CATSPERT: variants seen among roughly 807,000 people sequenced by gnomAD.
CATSPERT encodes the protein cation channel sperm-associated targeting subunit tau.
At chr2:201,530,156 ATATAAAT>A in the CATSPERT span, among the ~76,000 whole-genome samples, 1 of 152,212 alleles carries the variant, frequency 6.6e-6, no homozygotes, top group Non-Finnish European at 1.5e-5. Flanking sequence ...ATTTGTGGGA[ATATAAAT>A]TAGTACAGCC....
At chr2:201,553,030 G>A in the CATSPERT span, 5 of 152,284 alleles carry the variant, frequency 3.3e-5, no homozygotes, top group South Asian at 6.2e-4. Context: ...CAGTGATGAT[G>A]AGATAGCTGA....
At chr2:201,521,410 G>T in the CATSPERT span, among the ~76,000 whole-genome samples, 1 of 147,038 alleles carries the variant, frequency 6.8e-6, no homozygotes, top group Non-Finnish European at 1.5e-5. Context: ...TCTTCACATG[G>T]TGGCAGGAGA....
the CATSPERT span, among the ~76,000 whole-genome samples, chr2:201,612,297 G>A: frequency 2.5e-3 from 378 of 152,166 alleles, no homozygotes; most frequent in African/African-American, 8.4e-3. Flanking sequence ...AAAGGGGGCC[G>A]GGCACGGTGG....
At chr2:201,542,107 A>T in the CATSPERT span, among the ~76,000 whole-genome samples, 1 of 152,172 alleles carries the variant, frequency 6.6e-6, no homozygotes. Context: ...CTTTTTACAT[A>T]ATGCTATTGC....
chr2:201,491,752 T>G, the CATSPERT span: 1 of 1,537,154 alleles, frequency 6.5e-7, no homozygotes, highest in East Asian at 2.4e-5. Context: ...TACATGCTCC[T>G]TTCTATCAAG....
At chr2:201,536,787 T>G in the CATSPERT span, among the ~76,000 whole-genome samples, 341 of 152,028 alleles carry the variant, frequency 2.2e-3, 3 homozygotes, top group African/African-American at 7.8e-3. Context: ...CTAAATAAAT[T>G]TAGCTTTATG....
At chr2:201,583,520 A>G in the CATSPERT span, among the ~76,000 whole-genome samples, 3 of 152,266 alleles carry the variant, frequency 2.0e-5, no homozygotes, top group African/African-American at 7.2e-5. Context: ...CATGGTAAAC[A>G]TTATATTATG....
the CATSPERT span, among the ~76,000 whole-genome samples, chr2:201,548,333 A>G: frequency 9.4e-3 from 1,425 of 152,256 alleles, 7 homozygotes; most frequent in Non-Finnish European, 0.014. Context: ...CATAGTGGAA[A>G]GAGATGAATC....
chr2:201,493,878 A>G, the CATSPERT span: 2 of 1,536,944 alleles, frequency 1.3e-6, no homozygotes, highest in South Asian at 2.4e-5. Flanking sequence ...AGTGTTTTTT[A>G]GAGACATGTT....
chr2:201,511,584 T>A, the CATSPERT span: 1 of 152,152 alleles, frequency 6.6e-6, no homozygotes, highest in East Asian at 1.9e-4. Flanking sequence ...TCTCCTCACC[T>A]TTTTTTCATC....
the CATSPERT span, among the ~76,000 whole-genome samples, chr2:201,592,977 T>C: frequency 6.6e-6 from 1 of 152,114 alleles, no homozygotes; most frequent in Non-Finnish European, 1.5e-5. Context: ...GTGTCTCTAT[T>C]TCCTTCAGTT....
the CATSPERT span, chr2:201,565,604 A>T: frequency 1.2e-5 from 11 of 956,390 alleles, no homozygotes; most frequent in Non-Finnish European, 1.6e-5. Flanking sequence ...CAACGGCACC[A>T]TAATGAAAGT....
At chr2:201,581,477 AATATATATATATATATAT>A in the CATSPERT span, among the ~76,000 whole-genome samples, 697 of 14,860 alleles carry the variant, frequency 0.047, 54 homozygotes, top group African/African-American at 0.16. Context: ...CACATTCCGG[AATATATATATATATATAT>A]ATATATATAT....
At chr2:201,576,423 G>A in the CATSPERT span, among the ~76,000 whole-genome samples, 1 of 152,146 alleles carries the variant, frequency 6.6e-6, no homozygotes, top group African/African-American at 2.4e-5. Flanking sequence ...CTTGACTTCT[G>A]CCACTGAAGG....
At chr2:201,504,503 C>T in the CATSPERT span, among the ~76,000 whole-genome samples, 1 of 152,216 alleles carries the variant, frequency 6.6e-6, no homozygotes, top group African/African-American at 2.4e-5. Context: ...GAGTTCCCTG[C>T]TTTCGCACCA....
chr2:201,556,602 A>G, the CATSPERT span, among the ~76,000 whole-genome samples: 1 of 151,908 alleles, frequency 6.6e-6, no homozygotes, highest in Non-Finnish European at 1.5e-5. Context: ...CAAGGCAGGC[A>G]GATCACCTGA....
the CATSPERT span, among the ~76,000 whole-genome samples, chr2:201,595,379 G>A: frequency 6.6e-5 from 10 of 151,952 alleles, no homozygotes; most frequent in African/African-American, 2.2e-4. Context: ...TAGTAGAGAC[G>A]GGGTTTCACC....
chr2:201,509,375 T>C, the CATSPERT span, among the ~76,000 whole-genome samples: 1 of 150,990 alleles, frequency 6.6e-6, no homozygotes, highest in Admixed American at 6.6e-5. Flanking sequence ...ATTCTGGATA[T>C]TAACCCCTTA....
the CATSPERT span, among the ~76,000 whole-genome samples, chr2:201,499,904 G>GAT: frequency 3.6e-4 from 53 of 146,038 alleles, no homozygotes; most frequent in African/African-American, 1.0e-3. Context: ...ATTTATATAT[G>GAT]ATATATATAT....
Sources: allele counts gnomAD v4.1 joint callset (sites outside exome capture counted in the v4.1 genomes callset), GRCh38; gene constraint gnomAD v4.1.1; transcripts MANE v1.5; gene names NCBI Gene and HGNC (gene_info 2026-07-23, HGNC 2026-07-21).